Variants in MLXIP observed in about 807,000 individuals in gnomAD.
MLXIP encodes MLX interacting protein.
In MLXIP, 30 loss-of-function variants were observed where a neutral mutation model predicts 87.2. The observed-to-expected ratio is 0.34, with a 90% confidence interval of 0.26 to 0.47. The LOEUF (loss-of-function observed/expected upper bound fraction) is 0.47, where lower values mean the gene tolerates loss of function less well. MLXIP is among the 20% of genes least tolerant of loss of function. The probability of loss-of-function intolerance (pLI) is 1.00; values close to 1 mark genes in which losing one functional copy is unlikely to be tolerated. For synonymous variants in MLXIP, 530 were observed against 514.0 expected (o/e 1.03, Z -0.42); for missense variants, 1,002 against 1,240.1 (o/e 0.81, Z 2.88).
Position 122,133,272 on chromosome 12 carries a change from A to G in MLXIP, c.1093-76A>G. On this transcript the variant is annotated intron_variant, in intron 8 of 16. Transcript: ENST00000319080. The surrounding 1 kb of genome is among the most constrained non-coding windows in gnomAD (Gnocchi z 4.9). ...CCCAGCGCCCGGCCTGTGTAGTTGG[A>G]CTTGGCAGTGTGCAGCGCTAGAAAG... is the stretch of plus-strand genomic sequence containing the variant. 1 of 1,486,494 alleles carries G rather than the reference A, an allele frequency of 6.7e-7. No homozygotes were observed. The highest frequency in any genetic ancestry group is 1.3e-5 in the South Asian group (1 of 74,216). 92.1% of individuals were successfully genotyped at this position (1,486,494 alleles called of 1,614,324 possible).
At chr12:122,105,017 C>T (rs551909831) in intron 1 of MLXIP, among the ~76,000 whole-genome samples, 12 of 152,166 alleles carry the variant, frequency 7.9e-5, no homozygotes, top group African/African-American at 2.2e-4. Context: ...CCTTGCTCCC[C>T]GTGTTTCCTC....
chr12:122,109,263 T>G (rs1952566734), intron 1 of MLXIP, among the ~76,000 whole-genome samples: 3 of 152,246 alleles, frequency 2.0e-5, no homozygotes, highest in Admixed American at 1.3e-4. Flanking sequence ...GTGACGGGGT[T>G]GCACTGTGTT....
chr12:122,104,078 A>G (rs1952482187), intron 1 of MLXIP, among the ~76,000 whole-genome samples: 1 of 152,196 alleles, frequency 6.6e-6, no homozygotes, highest in Non-Finnish European at 1.5e-5. Flanking sequence ...CACTAGTGTT[A>G]TTTAAGAGGG....
intron 7 of MLXIP, 21 bp from the exon 8 acceptor site, chr12:122,132,271 A>G: frequency 6.3e-7 from 1 of 1,580,412 alleles, no homozygotes; most frequent in South Asian, 1.1e-5. Flanking sequence ...AGCTCAGAAG[A>G]CCCCTGCTGT....
At chr12:122,118,462 G>A (rs1952726125) in intron 1 of MLXIP, among the ~76,000 whole-genome samples, 1 of 152,136 alleles carries the variant, frequency 6.6e-6, no homozygotes, top group African/African-American at 2.4e-5. Context: ...AATCGCTGTG[G>A]CACTCTTACC....
chr12:122,135,265 G>T lies in MLXIP; in HGVS notation c.1774G>T (p.Gly592Trp). The T allele has an allele frequency of 6.2e-7, 1 of 1,613,640 alleles. No homozygotes were observed. Among genetic ancestry groups the T allele is most frequent in the Non-Finnish European group, 8.5e-7 (1 of 1,179,878 alleles). Residue 592 changes from glycine (G) to tryptophan (W), a missense_variant, in exon 10 of 17, where the codon GGG becomes TGG. By Grantham distance (184) the Gly-to-Trp change is radical. Coordinates refer to ENST00000319080, the MANE Select transcript of MLXIP (RefSeq NM_014938.6). This position sits in a 1 kb window ranked among gnomAD's most constrained non-coding sequence, Gnocchi z 5.3. Reference sequence around the variant, plus strand: ...ACCACAAGCGGTGATCATGACGTCAGGGCCTCTGAAGAGAGAAGGGATGTT... The same window carrying T: ...ACCACAAGCGGTGATCATGACGTCATGGCCTCTGAAGAGAGAAGGGATGTT... Reference protein sequence around the residue: ...GQPQAVIMTSGPLKREGMLAS... With the variant: ...GQPQAVIMTSWPLKREGMLAS...
chr12:122,099,087 A>AT (rs2135923093), intron 1 of MLXIP, among the ~76,000 whole-genome samples: 2 of 152,362 alleles, frequency 1.3e-5, no homozygotes, highest in Admixed American at 1.3e-4. Context: ...TATTTAAAAA[A>AT]TTAGCCAGTC....
chr12:122,097,858 C>A (rs1369443560), intron 1 of MLXIP, among the ~76,000 whole-genome samples: 1 of 149,386 alleles, frequency 6.7e-6, no homozygotes, highest in African/African-American at 2.5e-5. Context: ...CCCCTCCCCA[C>A]AAGAAACCTT....
intron 1 of MLXIP, among the ~76,000 whole-genome samples, chr12:122,091,058 T>A (rs940861054): frequency 2.6e-5 from 4 of 152,184 alleles, no homozygotes; most frequent in African/African-American, 9.6e-5. Context: ...TAACTCTGAA[T>A]ATACTGAAAA....
chr12:122,139,828 C>A (rs1248355673), intron 15 of MLXIP, among the ~76,000 whole-genome samples: 1 of 152,214 alleles, frequency 6.6e-6, no homozygotes, highest in Non-Finnish European at 1.5e-5. Context: ...CTCATGCCAC[C>A]ACGCCCGGCT....
rs1374223811 is a variant in MLXIP, at chr12:122,144,740, A to T, written c.*2928A>T. 1 of 152,122 alleles carries T rather than the reference A, an allele frequency of 6.6e-6. No homozygotes were observed. The highest frequency in any genetic ancestry group is 1.5e-5 in the Non-Finnish European group (1 of 68,038). The allele number at this position is 152,122 out of a possible 1,614,324, so 9.4% of individuals were successfully genotyped here. ...GTCTATACTAAAAATACAAAACATT[A>T]GCCACGTGTGGTGGTACACGCCTGT... On this transcript the variant is annotated 3_prime_UTR_variant, in exon 17 of 17. Transcript: ENST00000319080.
Position 122,130,849 on chromosome 12 carries a change from C to T in MLXIP, c.916C>T (p.Leu306=). The T allele has an allele frequency of 6.2e-7, 1 of 1,612,094 alleles. No individual in the cohort carries two copies. The highest frequency in any genetic ancestry group is 1.3e-5 in the African/African-American group (1 of 74,974). Residue 306 remains leucine (L), a synonymous_variant, in exon 7 of 17, where the codon CTG becomes TTG. Coordinates refer to ENST00000319080, the MANE Select transcript of MLXIP (RefSeq NM_014938.6). ...TCTCTCTGTGATTCTTGCAGCACAT[C>T]TGGGAAATGCAGACATGATCCAGCC... ...AWPNPREIAH[L]GNADMIQPGL...
Position 122,103,199 on chromosome 12 carries a change from G to GTATT in MLXIP, c.413+23971_413+23974dup, listed in dbSNP as rs754355713. Among the ~76,000 whole-genome samples, 212 of 93,840 alleles carry GTATT rather than the reference G, an allele frequency of 2.3e-3. 1 individual carries two copies. Among genetic ancestry groups the GTATT allele is most frequent in the African/African-American group, 6.9e-3 (199 of 28,782 alleles). The allele number at this position is 93,840 out of a possible 152,430, so 61.6% of individuals were successfully genotyped here. A position where few individuals can be genotyped will look rare whatever the true frequency, so the allele number is the denominator to read the frequency against. On this transcript the variant is annotated intron_variant, in intron 1 of 16. Transcript: ENST00000319080. ...TATATGTATGTATGTATGTATGTAT[G>GTATT]TATTTATTTATTTATTTATTTATTT...
rs1953024776 is a variant in MLXIP, at chr12:122,133,616, C to T, written c.1361C>T (p.Pro454Leu). 6.2e-7 allele frequency: 1 copy of T among 1,611,410 alleles called. No individual in the cohort carries two copies. The highest frequency in any genetic ancestry group is 8.5e-7 in the Non-Finnish European group (1 of 1,178,948). ...PPISPVLPLV[P>L]PPATALNPPA... is the part of the protein sequence containing the mutation. ...ATCTCCCCCGTGTTACCATTAGTTCCTCCTCCTGCCACTGCCCTGAACCCC... is the reference window on the plus strand; with the variant it reads ...ATCTCCCCCGTGTTACCATTAGTTCTTCCTCCTGCCACTGCCCTGAACCCC... The change falls in exon 9 of 17, where the codon CCT becomes CTT. Residue 454 changes from proline to leucine, a missense_variant. Coordinates refer to ENST00000319080, the MANE Select transcript of MLXIP (RefSeq NM_014938.6). The surrounding 1 kb of genome is among the most constrained non-coding windows in gnomAD (Gnocchi z 4.9).
intron 1 of MLXIP, among the ~76,000 whole-genome samples, chr12:122,080,003 CATT>C (rs776062400): frequency 6.6e-6 from 1 of 152,174 alleles, no homozygotes; most frequent in Non-Finnish European, 1.5e-5. Flanking sequence ...AGGGAGATGT[CATT>C]GTTGAGGGCA....
Position 122,129,398 on chromosome 12 carries a change from C to T in MLXIP, c.696+172C>T, listed in dbSNP as rs78214082. Among the ~76,000 whole-genome samples the T allele has an allele frequency of 5.8e-4, 88 of 152,346 alleles. 1 individual carries two copies. In the East Asian group the frequency reaches 0.016, roughly 28 times the overall value. ...GACTAGCCTGGGCAATGGCCTGCCT[C>T]GGTCAGGTTGTCTTTGCTCTCAGTT... On this transcript the variant is annotated intron_variant, in intron 4 of 16. Coordinates refer to ENST00000319080, the MANE Select transcript of MLXIP (RefSeq NM_014938.6).
chr12:122,135,981 A>G lies in MLXIP; in HGVS notation c.2032+315A>G. 3.4e-6 allele frequency: 1 copy of G among 290,640 alleles called. No individual in the cohort carries two copies. The highest frequency in any genetic ancestry group is 6.4e-6 in the Non-Finnish European group (1 of 155,328). 18.0% of individuals were successfully genotyped at this position (290,640 alleles called of 1,614,324 possible). A position where few individuals can be genotyped will look rare whatever the true frequency, so the allele number is the denominator to read the frequency against. ...CTGATCTCACCCAGAGAAGGGATTG[A>G]GGAGCCCTGGGCTTCCTGTCTCTGG... On this transcript the variant is annotated intron_variant, in intron 11 of 16. Coordinates refer to ENST00000319080, the MANE Select transcript of MLXIP (RefSeq NM_014938.6). The surrounding 1 kb of genome is among the most constrained non-coding windows in gnomAD (Gnocchi z 5.3).
intron 1 of MLXIP, among the ~76,000 whole-genome samples, chr12:122,107,174 A>G (rs1952533980): frequency 6.6e-6 from 1 of 152,206 alleles, no homozygotes; most frequent in South Asian, 2.1e-4. Context: ...TGGTGCAGGC[A>G]GTCATCAGGC....
chr12:122,095,773 T>G (rs1182855318), intron 1 of MLXIP, among the ~76,000 whole-genome samples: 1 of 151,986 alleles, frequency 6.6e-6, no homozygotes, highest in African/African-American at 2.4e-5. Flanking sequence ...CAGAGATAAC[T>G]TGTCAGTTCT....
Sources: gnomAD v4.1 joint callset for allele counts (sites outside exome capture counted in the v4.1 genomes callset) on GRCh38, gnomAD v4.1.1 for gene constraint, Gnocchi (gnomAD v3.1) non-coding constraint, MANE v1.5 for transcripts, NCBI Gene and HGNC (gene_info 2026-07-23, HGNC 2026-07-21) for gene names.